The following AGBL4 variants were observed in gnomAD, a reference collection of about 807,000 sequenced individuals.
The protein encoded by AGBL4 is AGBL carboxypeptidase 4, also known as cytosolic carboxypeptidase 6.
A neutral mutation model predicts 66.4 loss-of-function variants in AGBL4; 58 were observed. That is an observed-to-expected ratio of 0.87 (90% CI 0.71 to 1.09). The LOEUF is 1.09. Ranked by LOEUF, AGBL4 falls within the 50% of genes least tolerant of loss-of-function variation. AGBL4 has a pLI of 0.00. For synonymous variants in AGBL4, 234 were observed against 222.9 expected (o/e 1.05, Z -0.44); for missense variants, 579 against 631.0 (o/e 0.92, Z 0.88).
At chr1:48,925,182 G>T (rs1408679850) in intron 5 of AGBL4, among the ~76,000 whole-genome samples, 2 of 151,618 alleles carry the variant, frequency 1.3e-5, no homozygotes, top group Non-Finnish European at 2.9e-5. Context: ...ACATATGTGT[G>T]TGTGTGTACA....
At chr1:48,959,289 C>T (rs1372935231) in intron 5 of AGBL4, among the ~76,000 whole-genome samples, 1 of 152,100 alleles carries the variant, frequency 6.6e-6, no homozygotes, top group Non-Finnish European at 1.5e-5. Context: ...ATGAGAAGTA[C>T]TTCACAAACT....
intron 9 of AGBL4, among the ~76,000 whole-genome samples, chr1:48,618,899 G>A (rs1414075358): frequency 6.6e-6 from 1 of 151,864 alleles, no homozygotes; most frequent in Non-Finnish European, 1.5e-5. Context: ...AAGATAATGG[G>A]GGTAATTCTG....
chr1:48,659,560 T>C (rs906047339), intron 7 of AGBL4, among the ~76,000 whole-genome samples: 1 of 152,220 alleles, frequency 6.6e-6, no homozygotes, highest in African/African-American at 2.4e-5. Flanking sequence ...TGAAAGAACA[T>C]ACACTTGACC....
At chr1:48,962,453 A>G (rs1311884696) in intron 5 of AGBL4, among the ~76,000 whole-genome samples, 1 of 152,168 alleles carries the variant, frequency 6.6e-6, no homozygotes. Flanking sequence ...CGCTTATGCT[A>G]TGACTCACAG....
intron 2 of AGBL4, among the ~76,000 whole-genome samples, chr1:49,703,748 A>C (rs1172714257): frequency 4.6e-5 from 7 of 152,188 alleles, no homozygotes; most frequent in African/African-American, 1.7e-4. Context: ...AAAGACATAA[A>C]GATTAGGAAA....
chr1:49,987,190 T>C (rs535505540), intron 1 of AGBL4, among the ~76,000 whole-genome samples: 21 of 152,068 alleles, frequency 1.4e-4, no homozygotes, highest in Non-Finnish European at 2.9e-4. Flanking sequence ...TGCCAAATCA[T>C]TAGAGTAATT....
chr1:49,694,948 G>A (rs1460669471), intron 3 of AGBL4, among the ~76,000 whole-genome samples: 2 of 151,824 alleles, frequency 1.3e-5, no homozygotes, highest in Non-Finnish European at 2.9e-5. Context: ...AGAAAAACTG[G>A]GCCAGGAATT....
At chr1:49,651,099 C>A (rs1184281740) in intron 3 of AGBL4, among the ~76,000 whole-genome samples, 1 of 152,186 alleles carries the variant, frequency 6.6e-6, no homozygotes, top group Non-Finnish European at 1.5e-5. Flanking sequence ...TGCCCTGCAA[C>A]CACTTTTGTG....
At chr1:49,434,447 C>A (rs1006687324) in intron 3 of AGBL4, among the ~76,000 whole-genome samples, 2 of 151,994 alleles carry the variant, frequency 1.3e-5, no homozygotes, top group Admixed American at 1.3e-4. Context: ...CTCAAATGGG[C>A]CTTTTGGTTA....
chr1:49,650,324 A>C (rs1337485411), intron 3 of AGBL4, among the ~76,000 whole-genome samples: 1 of 152,206 alleles, frequency 6.6e-6, no homozygotes, highest in African/African-American at 2.4e-5. Context: ...GAGGAACTTG[A>C]AGTCCCACAG....
chr1:49,269,159 T>C (rs1477724689), intron 3 of AGBL4: 1 of 152,158 alleles, frequency 6.6e-6, no homozygotes, highest in Non-Finnish European at 1.5e-5. Context: ...TAGACCAACA[T>C]ATAGACGGTT....
intron 3 of AGBL4, among the ~76,000 whole-genome samples, chr1:49,590,164 T>C (rs1644725087): frequency 1.3e-5 from 2 of 152,074 alleles, no homozygotes; most frequent in Non-Finnish European, 2.9e-5. Flanking sequence ...CCTAGCTTCA[T>C]TGATCAAGAC....
chr1:49,452,438 A>C (rs762404117), intron 3 of AGBL4, among the ~76,000 whole-genome samples: 20 of 151,862 alleles, frequency 1.3e-4, no homozygotes, highest in Non-Finnish European at 2.8e-4. Flanking sequence ...AACCTTGTCG[A>C]ATCTGTGTTT....
intron 4 of AGBL4, among the ~76,000 whole-genome samples, chr1:49,155,768 T>A (rs1646418075): frequency 6.6e-6 from 1 of 152,178 alleles, no homozygotes; most frequent in Non-Finnish European, 1.5e-5. Context: ...GATAACAGTG[T>A]TAACAACACC....
At chr1:48,595,912 G>A (rs1644988106) in intron 9 of AGBL4, among the ~76,000 whole-genome samples, 2 of 152,230 alleles carry the variant, frequency 1.3e-5, no homozygotes. Context: ...ACCATCCAGG[G>A]CAATCCAATC....
chr1:48,934,265 A>C (rs1204788721), intron 5 of AGBL4, among the ~76,000 whole-genome samples: 1 of 152,096 alleles, frequency 6.6e-6, no homozygotes, highest in Non-Finnish European at 1.5e-5. Flanking sequence ...GAGGGGTGTC[A>C]CTCATCAGGA....
chr1:49,186,737 T>C (rs1207210393), intron 4 of AGBL4, among the ~76,000 whole-genome samples: 1 of 152,188 alleles, frequency 6.6e-6, no homozygotes, highest in Non-Finnish European at 1.5e-5. Flanking sequence ...CCCTGGAAGA[T>C]GGCTGGAATG....
chr1:49,928,796 C>G (rs1384910049), intron 1 of AGBL4, among the ~76,000 whole-genome samples: 2 of 151,840 alleles, frequency 1.3e-5, no homozygotes, highest in Non-Finnish European at 2.9e-5. Context: ...CCATTTGACC[C>G]TGTATCCCAT....
intron 5 of AGBL4, among the ~76,000 whole-genome samples, chr1:48,990,442 T>G (rs1465282522): frequency 1.3e-5 from 2 of 152,134 alleles, no homozygotes; most frequent in Non-Finnish European, 2.9e-5. Context: ...TGCGGGGTAC[T>G]GATCAATAAA....
Sources: gnomAD v4.1 joint callset for allele counts (sites outside exome capture counted in the v4.1 genomes callset) on GRCh38, gnomAD v4.1.1 for gene constraint, MANE v1.5 for transcripts, NCBI Gene and HGNC (gene_info 2026-07-23, HGNC 2026-07-21) for gene names.